The following AASS variants were observed in gnomAD, a reference collection of about 807,000 sequenced individuals.
AASS encodes alpha-aminoadipic semialdehyde synthase, mitochondrial.
Under a neutral mutation model 105.4 loss-of-function variants are expected in AASS, and 86 were observed. The ratio of observed to expected loss-of-function variants is 0.82; its 90% CI spans 0.69 to 0.98. AASS has a LOEUF of 0.98. Among genes scored for constraint, AASS ranks in the 50% least tolerant of loss-of-function variants. AASS has a pLI of 0.00. For synonymous variants in AASS, 381 were observed against 394.8 expected (o/e 0.96, Z 0.41); for missense variants, 1,048 against 1,143.2 (o/e 0.92, Z 1.20).
At chr7:122,129,029 G>A (rs1446961469) in intron 3 of AASS, among the ~76,000 whole-genome samples, 1 of 152,118 alleles carries the variant, frequency 6.6e-6, no homozygotes, top group African/African-American at 2.4e-5. Context: ...AGTGAGCCAA[G>A]ATTGTGCCAC....
At chr7:122,132,236 G>A (rs922289834) in intron 2 of AASS, among the ~76,000 whole-genome samples, 2 of 152,130 alleles carry the variant, frequency 1.3e-5, no homozygotes, top group Non-Finnish European at 2.9e-5. Context: ...AGAATTCACA[G>A]TTTGGTAAAC....
At chr7:122,122,075 CA>C (rs1282928575) in intron 4 of AASS, among the ~76,000 whole-genome samples, 1 of 152,020 alleles carries the variant, frequency 6.6e-6, no homozygotes, top group Non-Finnish European at 1.5e-5. Flanking sequence ...TCCCTTTTCC[CA>C]TTTATTTTCA....
At chr7:122,084,424 A>G (rs1315833302) in intron 19 of AASS, among the ~76,000 whole-genome samples, 1 of 152,228 alleles carries the variant, frequency 6.6e-6, no homozygotes, top group Non-Finnish European at 1.5e-5. Context: ...AATGTAACAG[A>G]AGCTCTCAAG....
chr7:122,113,719 G>C lies in AASS; in HGVS notation c.1045C>G (p.Leu349Val). The C allele has an allele frequency of 6.2e-7, 1 of 1,612,422 alleles. No individual in the cohort carries two copies. Among genetic ancestry groups the C allele is most frequent in the Non-Finnish European group, 8.5e-7 (1 of 1,179,836 alleles). ...GCTGAAATGTCACATATTGCCACGA[G>C]TCTGAAAATAACATCAATACTTAGA... Reference protein sequence around the residue: ...VEGCPALPHKLVAICDISADT... With the variant: ...VEGCPALPHKVVAICDISADT... Residue 349 changes from leucine to valine, a missense_variant and splice_region_variant, in exon 10 of 24, where the codon CTC (leucine) becomes GTC (valine). By Grantham distance (32) the Leu-to-Val change is conservative (BLOSUM62 1). Coordinates refer to ENST00000417368, the MANE Select transcript of AASS (RefSeq NM_005763.4).
chr7:122,125,328 A>G (rs756100963), intron 4 of AASS, among the ~76,000 whole-genome samples: 2 of 152,236 alleles, frequency 1.3e-5, no homozygotes, highest in Non-Finnish European at 2.9e-5. Flanking sequence ...GCAGAATGAC[A>G]TAAGCCATAA....
In AASS at chr7:122,076,189, C is replaced by CAA. The variant is rs370786291; in HGVS notation, c.*298_*299dup. 156 of 278,882 alleles carry CAA rather than the reference C, an allele frequency of 5.6e-4. No homozygotes were observed. Among genetic ancestry groups the CAA allele is most frequent in the South Asian group, 8.0e-4 (22 of 27,602 alleles). The allele number at this position is 278,882 out of a possible 1,614,324, so 17.3% of individuals were successfully genotyped here. On this transcript the variant is annotated 3_prime_UTR_variant, in exon 24 of 24. Transcript: ENST00000417368. Reference sequence around the variant, plus strand: ...ACTCCATCTCAAAAAACAACAACAACAAAAAAAAAACAAAAGAAAAAAAGT... The same window carrying CAA: ...ACTCCATCTCAAAAAACAACAACAACAAAAAAAAAAAACAAAAGAAAAAAAGT...
intron 8 of AASS, among the ~76,000 whole-genome samples, chr7:122,115,551 CTAAT>C (rs1026631905): frequency 3.0e-4 from 45 of 152,236 alleles, no homozygotes; most frequent in African/African-American, 8.7e-4. Flanking sequence ...ATTTCCAGCT[CTAAT>C]ATCAGTAGGG....
At chr7:122,116,101 A>G (rs969620509) in intron 8 of AASS, among the ~76,000 whole-genome samples, 1 of 152,174 alleles carries the variant, frequency 6.6e-6, no homozygotes, top group Non-Finnish European at 1.5e-5. Flanking sequence ...AATATATTTT[A>G]TTTCTTATAA....
intron 15 of AASS, among the ~76,000 whole-genome samples, chr7:122,097,029 T>G (rs1357574156): frequency 6.6e-6 from 1 of 152,140 alleles, no homozygotes; most frequent in Non-Finnish European, 1.5e-5. Flanking sequence ...TTAGTCAATT[T>G]TTTCTAAATA....
intron 11 of AASS, among the ~76,000 whole-genome samples, chr7:122,103,332 C>T (rs1428002888): frequency 6.6e-6 from 1 of 151,930 alleles, no homozygotes; most frequent in Non-Finnish European, 1.5e-5. Flanking sequence ...TGCACAGAAA[C>T]CTGCCAGCCA....
intron 4 of AASS, among the ~76,000 whole-genome samples, chr7:122,123,669 C>G (rs191674043): frequency 6.6e-6 from 1 of 152,156 alleles, no homozygotes; most frequent in Admixed American, 6.6e-5. Flanking sequence ...TCCTTTCTCC[C>G]CTTTCCACTG....
intron 1 of AASS, among the ~76,000 whole-genome samples, chr7:122,141,648 C>T (rs1216848906): frequency 1.5e-5 from 2 of 133,982 alleles, no homozygotes; most frequent in African/African-American, 6.1e-5. Context: ...CTCACATCCC[C>T]CTAACCCTGC....
intron 2 of AASS, among the ~76,000 whole-genome samples, chr7:122,131,247 T>C (rs1795902980): frequency 6.6e-6 from 1 of 151,670 alleles, no homozygotes; most frequent in Admixed American, 6.6e-5. Context: ...AGATGGATAT[T>C]AGATTGATGA....
chr7:122,131,826 G>A (rs919441155), intron 2 of AASS, among the ~76,000 whole-genome samples: 2 of 152,022 alleles, frequency 1.3e-5, no homozygotes, highest in Non-Finnish European at 2.9e-5. Flanking sequence ...GTGAGACTAG[G>A]ACAATTTGTT....
chr7:122,120,489 T>C (rs1372047706), intron 4 of AASS, among the ~76,000 whole-genome samples: 1 of 152,046 alleles, frequency 6.6e-6, no homozygotes, highest in Non-Finnish European at 1.5e-5. Flanking sequence ...ATTTTATTGA[T>C]ATTTTTCAGA....
At chr7:122,099,460 C>G (rs1794327394) in intron 13 of AASS, among the ~76,000 whole-genome samples, 1 of 151,864 alleles carries the variant, frequency 6.6e-6, no homozygotes, top group South Asian at 2.1e-4. Flanking sequence ...TATTTTAATT[C>G]TTGAACAGTC....
intron 13 of AASS, 97 bp downstream of exon 13, chr7:122,101,274 C>A (rs1584845924): frequency 4.0e-6 from 4 of 991,150 alleles, no homozygotes; most frequent in Non-Finnish European, 6.4e-6. Context: ...AGTGTACAAA[C>A]CTAATATTAA....
intron 21 of AASS, 186 bp downstream of exon 21, chr7:122,079,411 G>T: frequency 8.1e-7 from 1 of 1,230,976 alleles, no homozygotes; most frequent in Non-Finnish European, 1.1e-6. Context: ...AATTCTAATT[G>T]CCATTGAGCT....
chr7:122,116,556 A>T, intron 8 of AASS, 77 bp downstream of exon 8: 1 of 1,584,100 alleles, frequency 6.3e-7, no homozygotes, highest in South Asian at 1.1e-5. Context: ...TGTACAATTC[A>T]TAATTTCTCT....
Sources: gnomAD v4.1 joint callset for allele counts (sites outside exome capture counted in the v4.1 genomes callset) on GRCh38, gnomAD v4.1.1 for gene constraint, MANE v1.5 for transcripts, NCBI Gene and HGNC (gene_info 2026-07-23, HGNC 2026-07-21) for gene names.